Variants in TMEM163 observed in about 807,000 individuals in gnomAD.
TMEM163 encodes the protein transmembrane protein 163.
Under a neutral mutation model 29.3 loss-of-function variants are expected in TMEM163, and 17 were observed. That is an observed-to-expected ratio of 0.58 (90% confidence interval 0.40 to 0.87). The LOEUF (loss-of-function observed/expected upper bound fraction) is 0.87. Ranked by LOEUF, TMEM163 falls within the 40% of genes least tolerant of loss-of-function variation. The probability of loss-of-function intolerance (pLI) is 0.00; values close to 1 mark genes in which losing one functional copy is unlikely to be tolerated. For missense variants in TMEM163, 303 were observed against 381.5 expected, an observed-to-expected ratio of 0.79 and a Z score of 1.71; for synonymous variants, 157 against 160.6, an observed-to-expected ratio of 0.98 and a Z score of 0.17.
chr2:134,539,594 T>A (rs1680618611), intron 4 of TMEM163, among the ~76,000 whole-genome samples: 2 of 152,186 alleles, frequency 1.3e-5, no homozygotes, highest in South Asian at 4.1e-4. Flanking sequence ...TTATAAAATA[T>A]TTTTCCAGAA....
At chr2:134,603,297 A>G (rs1005752042) in intron 2 of TMEM163, among the ~76,000 whole-genome samples, 1 of 152,238 alleles carries the variant, frequency 6.6e-6, no homozygotes, top group Non-Finnish European at 1.5e-5. Flanking sequence ...AACCATAAAC[A>G]TTATTTTAAA....
At chr2:134,699,109 G>A (rs1410575993) in intron 2 of TMEM163, among the ~76,000 whole-genome samples, 1 of 152,190 alleles carries the variant, frequency 6.6e-6, no homozygotes. Flanking sequence ...CTGGAATCAA[G>A]TATTAATAGC....
intron 5 of TMEM163, among the ~76,000 whole-genome samples, chr2:134,478,820 C>T (rs572523234): frequency 5.9e-5 from 9 of 152,246 alleles, no homozygotes; most frequent in African/African-American, 1.7e-4. Context: ...GCCTTGAAGG[C>T]ACTTGAGAAA....
At chr2:134,701,045 C>T (rs982262109) in intron 2 of TMEM163, among the ~76,000 whole-genome samples, 2 of 151,664 alleles carry the variant, frequency 1.3e-5, no homozygotes, top group Admixed American at 6.6e-5. Context: ...GGCATAGAGA[C>T]GGTCCACATG....
intron 7 of TMEM163, among the ~76,000 whole-genome samples, chr2:134,457,389 A>G (rs1402578740): frequency 6.6e-6 from 1 of 152,158 alleles, no homozygotes; most frequent in East Asian, 1.9e-4. Flanking sequence ...TGAGGGTTCC[A>G]CTTTCGCCAC....
chr2:134,615,797 C>T (rs1682598586), intron 2 of TMEM163, among the ~76,000 whole-genome samples: 1 of 151,788 alleles, frequency 6.6e-6, no homozygotes, highest in African/African-American at 2.4e-5. Flanking sequence ...GCTGGGATTA[C>T]AGGTGCCCGC....
intron 2 of TMEM163, among the ~76,000 whole-genome samples, chr2:134,649,972 T>A (rs1157650325): frequency 7.8e-6 from 1 of 129,000 alleles, no homozygotes; most frequent in Non-Finnish European, 1.6e-5. Flanking sequence ...ACCACTGCAC[T>A]CCAGCCTGGG....
At chr2:134,700,941 A>ATACATAAATAC (rs1553495683) in intron 2 of TMEM163, among the ~76,000 whole-genome samples, 10 of 146,368 alleles carry the variant, frequency 6.8e-5, no homozygotes, top group African/African-American at 2.3e-4. Flanking sequence ...TAAATAAATA[A>ATACATAAATAC]ATAAATAAAG....
intron 4 of TMEM163, among the ~76,000 whole-genome samples, chr2:134,521,802 G>A (rs1448490476): frequency 6.6e-6 from 1 of 152,208 alleles, no homozygotes. Flanking sequence ...CATATCAGAT[G>A]CAGAGCTGCA....
At chr2:134,681,296 T>C (rs187856215) in intron 2 of TMEM163, among the ~76,000 whole-genome samples, 6 of 152,292 alleles carry the variant, frequency 3.9e-5, no homozygotes, top group Admixed American at 3.3e-4. Flanking sequence ...TGGGTACTGA[T>C]AGAGTCTCAG....
chr2:134,579,443 G>C (rs769876051), intron 2 of TMEM163, among the ~76,000 whole-genome samples: 12 of 152,142 alleles, frequency 7.9e-5, no homozygotes, highest in Non-Finnish European at 1.3e-4. Flanking sequence ...CAAATATGAA[G>C]TTTCTAACAC....
chr2:134,463,797 C>T (rs1574150417), intron 6 of TMEM163, among the ~76,000 whole-genome samples: 1 of 152,166 alleles, frequency 6.6e-6, no homozygotes, highest in Non-Finnish European at 1.5e-5. Context: ...CAGTGCGGCA[C>T]CTAACAGAGT....
chr2:134,626,306 T>C (rs942510502), intron 2 of TMEM163, among the ~76,000 whole-genome samples: 11 of 152,202 alleles, frequency 7.2e-5, no homozygotes, highest in Middle Eastern at 3.4e-3. Flanking sequence ...GGTTTCACCA[T>C]GTTGGCCAGG....
intron 2 of TMEM163, among the ~76,000 whole-genome samples, chr2:134,585,849 TTTAA>T (rs1298041391): frequency 5.9e-5 from 9 of 152,366 alleles, no homozygotes; most frequent in African/African-American, 1.9e-4. Context: ...AATTGGAATA[TTTAA>T]TTAACAAATA....
intron 1 of TMEM163, among the ~76,000 whole-genome samples, chr2:134,717,602 A>T (rs1685063131): frequency 6.6e-6 from 1 of 152,218 alleles, no homozygotes; most frequent in Non-Finnish European, 1.5e-5. Context: ...AAACCTGCTA[A>T]GTCTAAAATA....
chr2:134,508,583 GAGCC>G (rs1232763354), intron 4 of TMEM163, among the ~76,000 whole-genome samples: 1 of 152,144 alleles, frequency 6.6e-6, no homozygotes, highest in Non-Finnish European at 1.5e-5. Flanking sequence ...GAATGGCTGT[GAGCC>G]ATTCTCTCTT....
intron 5 of TMEM163, among the ~76,000 whole-genome samples, chr2:134,496,344 GAGCCAC>G (rs1269665589): frequency 6.6e-6 from 1 of 152,144 alleles, no homozygotes; most frequent in Non-Finnish European, 1.5e-5. Context: ...TTACAGATAT[GAGCCAC>G]CGCACCAGGC....
intron 5 of TMEM163, among the ~76,000 whole-genome samples, chr2:134,492,430 G>A (rs763519968): frequency 3.3e-5 from 5 of 152,044 alleles, no homozygotes; most frequent in African/African-American, 9.7e-5. Flanking sequence ...ACAGACTAAC[G>A]TATCTGTAAC....
At chr2:134,535,566 TAA>T (rs1320267483) in intron 4 of TMEM163, among the ~76,000 whole-genome samples, 1 of 152,148 alleles carries the variant, frequency 6.6e-6, no homozygotes, top group African/African-American at 2.4e-5. Flanking sequence ...TCAAAGGGCA[TAA>T]AGTTTCAATT....
Sources: allele counts gnomAD v4.1 joint callset (sites outside exome capture counted in the v4.1 genomes callset), GRCh38; gene constraint gnomAD v4.1.1; transcripts MANE v1.5; gene names NCBI Gene and HGNC (gene_info 2026-07-23, HGNC 2026-07-21).